The following SIK3 variants were observed in gnomAD, a reference collection of about 807,000 sequenced individuals.
SIK3 encodes the protein serine/threonine-protein kinase SIK3.
SIK3 carries 28 observed loss-of-function variants against 144.2 expected under a neutral mutation model. The observed-to-expected ratio is 0.19, with a 90% CI of 0.14 to 0.27. The LOEUF (loss-of-function observed/expected upper bound fraction) is 0.27. Among genes scored for constraint, SIK3 ranks in the 10% least tolerant of loss-of-function variants. The pLI is 1.00. For synonymous variants in SIK3, 686 were observed against 676.3 expected, an observed-to-expected ratio of 1.01 and a Z score of -0.22; for missense variants, 1,319 against 1,776.0, an observed-to-expected ratio of 0.74 and a Z score of 4.62.
At chr11:116,883,028 T>A (rs1944623977) in intron 6 of SIK3, among the ~76,000 whole-genome samples, 1 of 152,238 alleles carries the variant, frequency 6.6e-6, no homozygotes, top group Admixed American at 6.5e-5. Context: ...AGAACAAGGA[T>A]GCTATGCAAT....
intron 1 of SIK3, among the ~76,000 whole-genome samples, chr11:116,991,196 C>T (rs1378287245): frequency 2.6e-5 from 4 of 152,112 alleles, no homozygotes; most frequent in Non-Finnish European, 5.9e-5. Flanking sequence ...GCCTGTAACC[C>T]CAGCACTTTG....
intron 4 of SIK3, among the ~76,000 whole-genome samples, chr11:116,921,013 T>C (rs1179655711): frequency 6.6e-6 from 1 of 152,224 alleles, no homozygotes; most frequent in East Asian, 1.9e-4. Context: ...CATCCAGCGA[T>C]GCCGGCTCCA....
chr11:117,046,262 AT>A (rs780917250), intron 1 of SIK3, among the ~76,000 whole-genome samples: 9 of 152,248 alleles, frequency 5.9e-5, no homozygotes, highest in Non-Finnish European at 1.0e-4. Flanking sequence ...CCATGACACA[AT>A]TAAGGCTTTA....
chr11:117,051,911 A>T (rs1192772441), intron 1 of SIK3, among the ~76,000 whole-genome samples: 1 of 151,892 alleles, frequency 6.6e-6, no homozygotes, highest in African/African-American at 2.4e-5. Context: ...TGGAAGGCTG[A>T]GGCAGGTGGA....
chr11:116,902,380 C>A (rs532310359), intron 4 of SIK3, among the ~76,000 whole-genome samples: 1 of 152,150 alleles, frequency 6.6e-6, no homozygotes, highest in Non-Finnish European at 1.5e-5. Flanking sequence ...ATTTTATCTA[C>A]CAAACAGGAA....
intron 6 of SIK3, among the ~76,000 whole-genome samples, chr11:116,891,130 G>A (rs1293713577): frequency 6.6e-6 from 1 of 152,096 alleles, no homozygotes; most frequent in Non-Finnish European, 1.5e-5. Context: ...AACAGAGAGA[G>A]AGTCCATCTC....
chr11:117,031,512 T>TTTTAC (rs1218984463), intron 1 of SIK3, among the ~76,000 whole-genome samples: 24 of 149,954 alleles, frequency 1.6e-4, no homozygotes, highest in African/African-American at 5.9e-4. Flanking sequence ...TTTTATTTTA[T>TTTTAC]TTTATTTTTA....
rs771062578 is a variant in SIK3 at position 116,858,422 on chromosome 11, G to A, written c.3043C>T (p.His1015Tyr). The A allele has an allele frequency of 6.8e-6, 11 of 1,611,452 alleles. No homozygotes were observed. The South Asian group carries it at 7.7e-5, about 11-fold the overall frequency. The change falls in exon 21 of 25, where the codon CAC (histidine) becomes TAC (tyrosine). Residue 1015 changes from histidine (H) to tyrosine (Y), a missense_variant. By Grantham distance (83) the His-to-Tyr change is moderately conservative (BLOSUM62 2). Transcript: ENST00000445177. The surrounding 1 kb of genome is among the most constrained non-coding windows in gnomAD (Gnocchi z 5.4). The stretch of plus-strand genomic sequence containing the variant: ...GGAGAAAGCAGTCCTTGAAGGATGT[G>A]GGGTACCTGCTGGTGTCTTGTATAG... ...PDYTRHQQVP[H>Y]ILQGLLSPRH...
chr11:116,871,686 A>G (rs1042506569), intron 13 of SIK3, among the ~76,000 whole-genome samples: 1 of 152,204 alleles, frequency 6.6e-6, no homozygotes, highest in Admixed American at 6.5e-5. Flanking sequence ...TAAGGAAAGG[A>G]AAGTGGAGAG....
At chr11:116,905,008 T>G (rs1395508326) in intron 4 of SIK3, 1 of 167,224 alleles carries the variant, frequency 6.0e-6, no homozygotes, top group African/African-American at 2.4e-5. Flanking sequence ...TTTCACCTTG[T>G]AAGGAAAAGG....
intron 1 of SIK3, among the ~76,000 whole-genome samples, chr11:117,027,349 T>A (rs1011572743): frequency 5.3e-5 from 8 of 152,230 alleles, no homozygotes; most frequent in African/African-American, 1.9e-4. Flanking sequence ...ACTATTAATA[T>A]CTGCATGTTT....
intron 1 of SIK3, among the ~76,000 whole-genome samples, chr11:117,001,612 T>C (rs112855308): frequency 0.014 from 2,180 of 152,090 alleles, 63 homozygotes; most frequent in African/African-American, 0.049. Context: ...AGCCCAGGAA[T>C]TGGAGGCTGC....
At chr11:116,935,995 C>T (rs772536647) in intron 3 of SIK3, among the ~76,000 whole-genome samples, 5 of 152,110 alleles carry the variant, frequency 3.3e-5, no homozygotes, top group Non-Finnish European at 7.4e-5. Context: ...TAAATTTAGG[C>T]CAGGTGTGGT....
intron 3 of SIK3, among the ~76,000 whole-genome samples, chr11:116,934,338 C>T (rs553824617): frequency 6.6e-6 from 1 of 152,286 alleles, no homozygotes; most frequent in South Asian, 2.1e-4. Flanking sequence ...ATTTCCTGAA[C>T]CTTAGATTTT....
At chr11:117,087,853 A>G (rs566668761) in intron 1 of SIK3, among the ~76,000 whole-genome samples, 27 of 152,374 alleles carry the variant, frequency 1.8e-4, no homozygotes, top group African/African-American at 6.5e-4. Context: ...AACAATGGTT[A>G]TCACAGAAAA....
chr11:117,039,477 T>C (rs903419269), intron 1 of SIK3, among the ~76,000 whole-genome samples: 6 of 152,170 alleles, frequency 3.9e-5, no homozygotes, highest in African/African-American at 1.4e-4. Flanking sequence ...TACTAATGTA[T>C]GATGTTTGCA....
intron 1 of SIK3, among the ~76,000 whole-genome samples, chr11:117,076,005 T>C (rs1218176914): frequency 6.6e-6 from 1 of 151,814 alleles, no homozygotes; most frequent in Non-Finnish European, 1.5e-5. Context: ...CCTGCCACCA[T>C]GGCTGGCTAA....
intron 3 of SIK3, among the ~76,000 whole-genome samples, chr11:116,945,015 A>G (rs1047891543): frequency 4.6e-5 from 7 of 151,032 alleles, no homozygotes; most frequent in African/African-American, 1.7e-4. Context: ...GCTGGAGTGC[A>G]GTGGCTGGAT....
At chr11:116,927,092 C>A (rs567371406) in intron 4 of SIK3, 127 bp downstream of exon 4, 61 of 523,648 alleles carry the variant, frequency 1.2e-4, no homozygotes, top group Admixed American at 5.7e-4. Context: ...TTTTTTTTTT[C>A]ATCTTAAATT....
Sources: allele counts gnomAD v4.1 joint callset (sites outside exome capture counted in the v4.1 genomes callset), GRCh38; gene constraint gnomAD v4.1.1; non-coding constraint Gnocchi (gnomAD v3.1); transcripts MANE v1.5; gene names NCBI Gene and HGNC (gene_info 2026-07-23, HGNC 2026-07-21).